Variants in DAB1 observed in about 807,000 individuals in gnomAD.
DAB1 encodes the protein disabled homolog 1.
In DAB1, 15 loss-of-function variants were observed where a neutral mutation model predicts 64.6. The observed-to-expected ratio is 0.23, with a 90% CI of 0.16 to 0.36. DAB1 has a LOEUF of 0.36. DAB1 is among the 10% of genes least tolerant of loss of function. The pLI is 1.00. For synonymous variants in DAB1, 235 were observed against 251.9 expected, an observed-to-expected ratio of 0.93 and a Z score of 0.64; for missense variants, 596 against 706.7, an observed-to-expected ratio of 0.84 and a Z score of 1.78.
At chr1:57,487,742 C>T (rs941365402) in intron 7 of DAB1, among the ~76,000 whole-genome samples, 1 of 152,162 alleles carries the variant, frequency 6.6e-6, no homozygotes, top group African/African-American at 2.4e-5. Context: ...TGTAGGTACA[C>T]TCTATGATGT....
chr1:57,671,212 A>G (rs539126097), intron 6 of DAB1, among the ~76,000 whole-genome samples: 1 of 152,268 alleles, frequency 6.6e-6, no homozygotes, highest in African/African-American at 2.4e-5. Context: ...TTTAATCAAA[A>G]TGAGTTTCAT....
chr1:57,333,174 G>T (rs1375115473), intron 1 of DAB1, among the ~76,000 whole-genome samples: 1 of 152,126 alleles, frequency 6.6e-6, no homozygotes, highest in East Asian at 1.9e-4. Context: ...ATTGATTCTG[G>T]CTGGAATGTA....
At chr1:57,649,238 G>A (rs1306433281) in intron 7 of DAB1, among the ~76,000 whole-genome samples, 1 of 152,152 alleles carries the variant, frequency 6.6e-6, no homozygotes, top group Non-Finnish European at 1.5e-5. Flanking sequence ...ATTTAAGAAA[G>A]AGAGCTAACA....
At chr1:57,914,227 A>T (rs1328338303) in intron 5 of DAB1, among the ~76,000 whole-genome samples, 1 of 152,222 alleles carries the variant, frequency 6.6e-6, no homozygotes, top group African/African-American at 2.4e-5. Flanking sequence ...TGGATTAAGA[A>T]AATGTGGCAC....
At chr1:58,056,409 A>G in intron 5 of DAB1, 1 of 1,555,212 alleles carries the variant, frequency 6.4e-7, no homozygotes, top group Non-Finnish European at 8.8e-7. Context: ...GGGCACAGTT[A>G]GTGCAGCGAA....
intron 7 of DAB1, among the ~76,000 whole-genome samples, chr1:57,563,784 C>T (rs551364997): frequency 4.8e-4 from 73 of 152,280 alleles, no homozygotes; most frequent in African/African-American, 1.5e-3. Flanking sequence ...GTAAACGAAG[C>T]GGCCTGGAAG....
intron 3 of DAB1, among the ~76,000 whole-genome samples, chr1:58,415,955 G>A (rs868029416): frequency 6.6e-6 from 1 of 152,296 alleles, no homozygotes; most frequent in East Asian, 1.9e-4. Context: ...GGACTGTCAG[G>A]GTCAACACGA....
In DAB1 at chr1:57,454,996, A is replaced by C. The variant is rs573359237; in HGVS notation, n.626-163830T>G. ...AAACAGTAATTGGTACAAAGGAGAG[A>C]GGGCAACTTTGTCTAATAGGGAGAG... is the stretch of plus-strand genomic sequence containing the variant. On this transcript the variant is annotated intron_variant and non_coding_transcript_variant, in intron 7 of 20. Coordinates refer to the DAB1 transcript ENST00000485760. Among the ~76,000 whole-genome samples, 28 of 152,284 alleles carry C rather than the reference A, an allele frequency of 1.8e-4. No individual in the cohort carries two copies. In the South Asian group the frequency reaches 5.8e-3, roughly 32 times the overall value.
chr1:57,097,056 T>C (rs557580), intron 4 of DAB1, among the ~76,000 whole-genome samples: 93,135 of 151,984 alleles, frequency 0.61, 29,106 homozygotes, highest in East Asian at 0.85. Flanking sequence ...ATATCCTCAG[T>C]ACCCAGATTA....
chr1:58,376,529 C>G (rs1202530270), intron 3 of DAB1, among the ~76,000 whole-genome samples: 2 of 145,312 alleles, frequency 1.4e-5, no homozygotes, highest in East Asian at 1.9e-4. Flanking sequence ...TTTGATTGCA[C>G]TGTGGTCTGA....
chr1:57,805,783 T>C (rs1279913272), intron 6 of DAB1, among the ~76,000 whole-genome samples: 3 of 152,186 alleles, frequency 2.0e-5, no homozygotes, highest in Non-Finnish European at 4.4e-5. Context: ...GCTCAGGTAC[T>C]GAACCCTGAA....
intron 1 of DAB1, among the ~76,000 whole-genome samples, chr1:57,859,271 C>T (rs980162818): frequency 2.6e-5 from 4 of 152,132 alleles, no homozygotes; most frequent in African/African-American, 7.2e-5. Context: ...ATTAGTGATT[C>T]GTATTTGCTG....
chr1:58,194,608 T>C (rs1358365191), intron 4 of DAB1, among the ~76,000 whole-genome samples: 1 of 152,256 alleles, frequency 6.6e-6, no homozygotes, highest in African/African-American at 2.4e-5. Flanking sequence ...AAAGAAACTC[T>C]CGTATTTATA....
chr1:57,053,939 G>A (rs1170917571), intron 9 of DAB1, among the ~76,000 whole-genome samples: 1 of 151,856 alleles, frequency 6.6e-6, no homozygotes, highest in African/African-American at 2.4e-5. Flanking sequence ...CACCCACCTT[G>A]GCTTCCCAAA....
At chr1:57,206,951 CTTT>C (rs1665592627) in intron 2 of DAB1, among the ~76,000 whole-genome samples, 1 of 128,078 alleles carries the variant, frequency 7.8e-6, no homozygotes, top group Non-Finnish European at 1.6e-5. Context: ...TTCTCTTTCT[CTTT>C]CTTTCCTTCC....
chr1:58,009,417 T>A (rs899762482), intron 5 of DAB1, among the ~76,000 whole-genome samples: 2 of 152,148 alleles, frequency 1.3e-5, no homozygotes, highest in African/African-American at 2.4e-5. Context: ...AAAACTGAAA[T>A]AAGGGGGCAC....
intron 7 of DAB1, among the ~76,000 whole-genome samples, chr1:57,574,487 G>C (rs1383681002): frequency 1.3e-5 from 2 of 152,124 alleles, no homozygotes; most frequent in East Asian, 3.8e-4. Context: ...TTTTAGAAGA[G>C]AAAAGTAACT....
In DAB1 at chr1:58,251,360, G is replaced by A. The variant is rs555254982; in HGVS notation, n.309+91992C>T. On this transcript the variant is annotated intron_variant and non_coding_transcript_variant, in intron 4 of 20. Transcript: ENST00000485760. ...CTTGTAACCTGCTCTTTAGTAAGAC[G>A]GAAAATAAACAAGTAAATCAGCAAG... 5.3e-5 allele frequency among the ~76,000 whole-genome samples: 8 copies of A among 152,256 alleles called. No homozygotes were observed. In the South Asian group the frequency reaches 1.0e-3, roughly 20 times the overall value.
intron 4 of DAB1, among the ~76,000 whole-genome samples, chr1:58,165,019 G>C (rs1035859747): frequency 7.9e-5 from 12 of 152,284 alleles, no homozygotes; most frequent in African/African-American, 2.6e-4. Context: ...AGGAAGCATA[G>C]TTCTGGCCAC....
Sources: allele counts gnomAD v4.1 joint callset (sites outside exome capture counted in the v4.1 genomes callset), GRCh38; gene constraint gnomAD v4.1.1; transcripts MANE v1.5; gene names NCBI Gene and HGNC (gene_info 2026-07-23, HGNC 2026-07-21).